The following ZNF385D variants were observed in gnomAD, a reference collection of about 807,000 sequenced individuals.
ZNF385D encodes the protein zinc finger protein 385D.
In ZNF385D, 15 loss-of-function variants were observed where a neutral mutation model predicts 35.8. The ratio of observed to expected loss-of-function variants is 0.42; its 90% CI spans 0.28 to 0.64. The LOEUF (loss-of-function observed/expected upper bound fraction) is 0.64, where lower values mean the gene tolerates loss of function less well. Ranked by LOEUF, ZNF385D falls within the 30% of genes least tolerant of loss-of-function variation. The pLI, the probability that ZNF385D is intolerant of heterozygous loss-of-function variation, is 0.23. For synonymous variants in ZNF385D, 212 were observed against 186.8 expected (o/e 1.13, Z -1.10); for missense variants, 474 against 494.6 (o/e 0.96, Z 0.39).
intron 2 of ZNF385D, among the ~76,000 whole-genome samples, chr3:22,335,082 TTGAG>T (rs1440191479): frequency 3.9e-5 from 6 of 152,174 alleles, no homozygotes; most frequent in Non-Finnish European, 7.4e-5. Context: ...CCTGCTTTCA[TTGAG>T]TATTATATTT....
chr3:22,246,902 A>G (rs1282910321), intron 2 of ZNF385D, among the ~76,000 whole-genome samples: 1 of 152,108 alleles, frequency 6.6e-6, no homozygotes, highest in African/African-American at 2.4e-5. Flanking sequence ...CTCTGTGTAG[A>G]TATGTAGGTA....
At chr3:21,483,983 A>G (rs1261465615) in intron 4 of ZNF385D, among the ~76,000 whole-genome samples, 1 of 152,170 alleles carries the variant, frequency 6.6e-6, no homozygotes, top group African/African-American at 2.4e-5. Flanking sequence ...CCAATCAAAA[A>G]AGAGAAACTG....
At chr3:21,762,181 T>C (rs912957128) in intron 3 of ZNF385D, among the ~76,000 whole-genome samples, 3 of 152,036 alleles carry the variant, frequency 2.0e-5, no homozygotes, top group South Asian at 2.1e-4. Context: ...TCAGTCTGTC[T>C]TCCCTTTTTT....
At chr3:21,670,307 TTG>T (rs1256301667) in intron 1 of ZNF385D, among the ~76,000 whole-genome samples, 2 of 151,772 alleles carry the variant, frequency 1.3e-5, no homozygotes, top group African/African-American at 4.8e-5. Context: ...AATACTTATG[TTG>T]AAATTATGTG....
rs2066993311 is a variant in ZNF385D at position 21,683,797 on chromosome 3, G to C, written c.23-18769C>G. On this transcript the variant is annotated intron_variant, in intron 1 of 7. Coordinates refer to ENST00000281523, the MANE Select transcript of ZNF385D (RefSeq NM_024697.3). ...TCTCTGGGAGCTAAGAGTAGCCCCA[G>C]GGTGACAGCAAGGAAAGCAAGACCT... 1.3e-5 allele frequency among the ~76,000 whole-genome samples: 2 copies of C among 150,012 alleles called. 1 individual carries two copies. Among genetic ancestry groups the C allele is most frequent in the South Asian group, 4.3e-4 (2 of 4,670 alleles).
chr3:21,705,544 T>A (rs1338897323), intron 1 of ZNF385D, among the ~76,000 whole-genome samples: 1 of 152,222 alleles, frequency 6.6e-6, no homozygotes, highest in Non-Finnish European at 1.5e-5. Flanking sequence ...TGTAATGTAG[T>A]CTTCTACCTA....
chr3:22,118,893 G>C (rs1350144108), intron 3 of ZNF385D, among the ~76,000 whole-genome samples: 2 of 151,988 alleles, frequency 1.3e-5, no homozygotes, highest in Non-Finnish European at 2.9e-5. Flanking sequence ...GTAGATAAAA[G>C]TTTTTAGAAA....
At chr3:22,258,921 A>T (rs1700463238) in intron 2 of ZNF385D, among the ~76,000 whole-genome samples, 1 of 151,784 alleles carries the variant, frequency 6.6e-6, no homozygotes, top group African/African-American at 2.4e-5. Flanking sequence ...TGGAGAAAAA[A>T]CTAGTCTCCT....
At chr3:22,268,898 TG>T (rs1444263228) in intron 2 of ZNF385D, among the ~76,000 whole-genome samples, 1 of 151,792 alleles carries the variant, frequency 6.6e-6, no homozygotes, top group Non-Finnish European at 1.5e-5. Flanking sequence ...TGGGGGAGAA[TG>T]GGGTTGTGGT....
At chr3:21,981,167 A>C (rs973177731) in intron 3 of ZNF385D, among the ~76,000 whole-genome samples, 2 of 152,116 alleles carry the variant, frequency 1.3e-5, no homozygotes, top group African/African-American at 4.8e-5. Context: ...TGGTTGAAGT[A>C]ATTTACACTC....
intron 2 of ZNF385D, among the ~76,000 whole-genome samples, chr3:22,236,403 C>A (rs368406088): frequency 9.1e-4 from 138 of 152,198 alleles, no homozygotes; most frequent in African/African-American, 3.2e-3. Flanking sequence ...GTAATCATAG[C>A]TCACTGCAGC....
intron 3 of ZNF385D, among the ~76,000 whole-genome samples, chr3:22,086,517 G>T (rs542120885): frequency 4.2e-4 from 64 of 152,250 alleles, no homozygotes; most frequent in Non-Finnish European, 8.1e-4. Flanking sequence ...TCTTCAAGGA[G>T]AACTACAAAC....
chr3:22,336,909 CAAAAAAAAAAAAAAAA>C (rs59822476), intron 2 of ZNF385D, among the ~76,000 whole-genome samples: 6 of 47,960 alleles, frequency 1.3e-4, no homozygotes, highest in Admixed American at 4.1e-4. Context: ...AGTGATTTTT[CAAAAAAAAAAAAAAAA>C]AAAAAAAAAA....
intron 3 of ZNF385D, among the ~76,000 whole-genome samples, chr3:21,526,816 A>C (rs1708254658): frequency 3.9e-5 from 6 of 152,224 alleles, no homozygotes; most frequent in Admixed American, 2.6e-4. Flanking sequence ...GAATTAGCTA[A>C]TTGGAATGGC....
chr3:22,247,272 A>G (rs1231586988), intron 2 of ZNF385D, among the ~76,000 whole-genome samples: 1 of 152,142 alleles, frequency 6.6e-6, no homozygotes, highest in Non-Finnish European at 1.5e-5. Context: ...TTCTAATTAA[A>G]AGAAAAACTA....
At chr3:21,516,772 T>G (rs1462239289) in intron 3 of ZNF385D, among the ~76,000 whole-genome samples, 2 of 152,254 alleles carry the variant, frequency 1.3e-5, no homozygotes, top group East Asian at 3.9e-4. Flanking sequence ...TTTTTTCTCC[T>G]GTTAATCTGT....
intron 3 of ZNF385D, among the ~76,000 whole-genome samples, chr3:22,012,485 T>C (rs1250601324): frequency 6.6e-6 from 1 of 152,084 alleles, no homozygotes; most frequent in Admixed American, 6.6e-5. Context: ...TCTGAGAAAA[T>C]GTGTGTGCTT....
At chr3:21,830,260 G>C (rs13098512) in intron 3 of ZNF385D, among the ~76,000 whole-genome samples, 33,307 of 152,142 alleles carry the variant, frequency 0.22, 3,725 homozygotes, top group East Asian at 0.28. Flanking sequence ...ACTGGCATGA[G>C]TATTTCGGGA....
intron 3 of ZNF385D, among the ~76,000 whole-genome samples, chr3:21,923,185 C>T (rs895472051): frequency 2.6e-5 from 4 of 150,990 alleles, no homozygotes; most frequent in African/African-American, 4.9e-5. Flanking sequence ...CCTCCCCCAT[C>T]CCCCCACCCC....
Sources: allele counts gnomAD v4.1 joint callset (sites outside exome capture counted in the v4.1 genomes callset), GRCh38; gene constraint gnomAD v4.1.1; transcripts MANE v1.5; gene names NCBI Gene and HGNC (gene_info 2026-07-23, HGNC 2026-07-21).